SDC1: variants seen among roughly 807,000 people sequenced by gnomAD.
The protein encoded by SDC1 is syndecan-1.
In SDC1, 14 loss-of-function variants were observed where a neutral mutation model predicts 29.7. The observed-to-expected ratio is 0.47, with a 90% confidence interval of 0.31 to 0.74. The LOEUF (loss-of-function observed/expected upper bound fraction) is 0.74, where lower values mean the gene tolerates loss of function less well. SDC1 is among the 30% of genes least tolerant of loss of function. SDC1 has a pLI of 0.05. For missense variants in SDC1, 406 were observed against 400.3 expected, an observed-to-expected ratio of 1.01 and a Z score of -0.12; for synonymous variants, 204 against 175.5, an observed-to-expected ratio of 1.16 and a Z score of -1.29.
intron 2 of SDC1, among the ~76,000 whole-genome samples, chr2:20,205,106 G>A (rs1677214044): frequency 6.6e-6 from 1 of 152,212 alleles, no homozygotes; most frequent in African/African-American, 2.4e-5. Context: ...GGCGGCCCTG[G>A]GGCCTTCTGG....
At position 20,204,091 on chromosome 2, in the gene SDC1, G is replaced by T; in HGVS notation, c.349C>A (p.Arg117=). The T allele has an allele frequency of 6.2e-7, 1 of 1,609,496 alleles. No homozygotes were observed. The highest frequency in any genetic ancestry group is 8.5e-7 in the Non-Finnish European group (1 of 1,179,872). The change falls in exon 3 of 5, where the codon CGG becomes AGG. Residue 117 remains arginine (R), a synonymous_variant. Coordinates refer to ENST00000254351, the MANE Select transcript of SDC1 (RefSeq NM_002997.5). ...LPEVEPGLTA[R]EQEATPRPRE... ...GGTCGGGGGGTGGCCTCCTGCTCCC[G>T]GGCGGTGAGGCCAGGCTCCACTTCT...
At chr2:20,219,156 C>T (rs938292418) in intron 1 of SDC1, among the ~76,000 whole-genome samples, 4 of 152,240 alleles carry the variant, frequency 2.6e-5, no homozygotes, top group African/African-American at 9.6e-5. Flanking sequence ...GGCACACCCC[C>T]CTTGCCCCAT....
intron 1 of SDC1, among the ~76,000 whole-genome samples, chr2:20,220,113 G>A (rs557021169): frequency 2.0e-4 from 31 of 152,328 alleles, no homozygotes; most frequent in African/African-American, 7.2e-4. Context: ...CTTCCTGTGA[G>A]GAGCTCTCGC....
chr2:20,211,455 C>T (rs1426480839), intron 1 of SDC1, among the ~76,000 whole-genome samples: 6 of 152,232 alleles, frequency 3.9e-5, no homozygotes, highest in Admixed American at 6.5e-5. Context: ...CCGACACGTC[C>T]ACTCGCATAG....
chr2:20,204,383 G>T (rs1677180554), intron 2 of SDC1, 92 bp from the exon 3 acceptor site: 5 of 828,714 alleles, frequency 6.0e-6, no homozygotes, highest in Non-Finnish European at 9.8e-6. Context: ...AGGCTCCAGA[G>T]CACCTGGGCT....
At chr2:20,210,066 G>A (rs1416954121) in intron 1 of SDC1, among the ~76,000 whole-genome samples, 1 of 152,240 alleles carries the variant, frequency 6.6e-6, no homozygotes, top group African/African-American at 2.4e-5. Context: ...TTACTACTAG[G>A]CGCGGTGGCT....
intron 1 of SDC1, among the ~76,000 whole-genome samples, chr2:20,208,511 G>A (rs570843763): frequency 6.6e-6 from 1 of 152,358 alleles, no homozygotes; most frequent in African/African-American, 2.4e-5. Context: ...CCCCTCAGAT[G>A]AGAAGGTGAG....
chr2:20,224,717 C>A lies in SDC1; in HGVS notation c.66+85G>T. ...AGAAGGGAAGTCTTCGCTCCCCCTC[C>A]CCCTCCACGTGCACCCGCCGGCATC... is the stretch of plus-strand genomic sequence containing the variant. On this transcript the variant is annotated intron_variant, in intron 1 of 4. Transcript: ENST00000254351. This position sits in a 1 kb window ranked among gnomAD's most constrained non-coding sequence, Gnocchi z 4.9. The A allele has an allele frequency of 8.2e-7, 1 of 1,220,160 alleles. No homozygotes were observed. The allele number at this position is 1,220,160 out of a possible 1,614,324, so 75.6% of individuals were successfully genotyped here.
In SDC1 at chr2:20,224,912, C is replaced by T; in HGVS notation, c.-45G>A. 1 of 1,206,110 alleles carries T rather than the reference C, an allele frequency of 8.3e-7. No homozygotes were observed. The highest frequency in any genetic ancestry group is 1.0e-6 in the Non-Finnish European group (1 of 972,022). The allele number at this position is 1,206,110 out of a possible 1,614,324, so 74.7% of individuals were successfully genotyped here. ...GGAGAGCGGCAGGCTGCGCGGGTCG[C>T]GGCTGCGGGCCGGCTTCGCGGGTTC... On this transcript the variant is annotated 5_prime_UTR_variant, in exon 1 of 5. Transcript: ENST00000254351. This position sits in a 1 kb window ranked among gnomAD's most constrained non-coding sequence, Gnocchi z 4.9.
At chr2:20,217,025 G>A (rs1289870809) in intron 1 of SDC1, among the ~76,000 whole-genome samples, 1 of 152,156 alleles carries the variant, frequency 6.6e-6, no homozygotes, top group African/African-American at 2.4e-5. Flanking sequence ...CCTAGAGCAG[G>A]ACTGGCAGCC....
chr2:20,206,579 C>T (rs1322066962), intron 1 of SDC1, among the ~76,000 whole-genome samples: 2 of 152,186 alleles, frequency 1.3e-5, no homozygotes, highest in Non-Finnish European at 2.9e-5. Flanking sequence ...GACCCAAGGA[C>T]CCCACTCACT....
Position 20,204,095 on chromosome 2 carries a change from G to A in SDC1, c.345C>T (p.Thr115=), listed in dbSNP as rs144302329. ...VVLPEVEPGL[T]AREQEATPRP... ...GGGGGGTGGCCTCCTGCTCCCGGGC[G>A]GTGAGGCCAGGCTCCACTTCTGGCA... is the stretch of plus-strand genomic sequence containing the variant. The change falls in exon 3 of 5, where the codon ACC becomes ACT. Residue 115 remains threonine (T), a synonymous_variant. Transcript: ENST00000254351. 25 of 1,608,548 alleles carry A rather than the reference G, an allele frequency of 1.6e-5. No individual in the cohort carries two copies. The highest frequency in any genetic ancestry group is 8.0e-5 in the African/African-American group (6 of 74,870).
At chr2:20,223,347 G>T in intron 1 of SDC1, 1 of 1,231,626 alleles carries the variant, frequency 8.1e-7, no homozygotes, top group Non-Finnish European at 1.1e-6. Flanking sequence ...GCTTACGGAG[G>T]GTCAGCGCTG....
intron 1 of SDC1, among the ~76,000 whole-genome samples, chr2:20,219,055 C>A (rs1030993796): frequency 6.6e-6 from 1 of 152,192 alleles, no homozygotes. Flanking sequence ...CAGGAGAGGT[C>A]GCTGGGCAAG....
At chr2:20,202,992 A>AC in intron 4 of SDC1, 57 bp from the exon 5 acceptor site, 1 of 1,570,028 alleles carries the variant, frequency 6.4e-7, no homozygotes. Context: ...TCTGCTGCAG[A>AC]CCCTCCCCAA....
intron 1 of SDC1, chr2:20,223,167 C>T: frequency 1.9e-6 from 2 of 1,063,810 alleles, no homozygotes; most frequent in Middle Eastern, 2.4e-4. Context: ...ACAGGGACCT[C>T]TCCTGGACCG....
At chr2:20,208,498 C>G (rs1160056421) in intron 1 of SDC1, among the ~76,000 whole-genome samples, 1 of 152,224 alleles carries the variant, frequency 6.6e-6, no homozygotes, top group African/African-American at 2.4e-5. Context: ...TCTTCTGGGA[C>G]AGCCCCTCAG....
At chr2:20,223,876 T>C (rs375539919) in intron 1 of SDC1, among the ~76,000 whole-genome samples, 2 of 152,124 alleles carry the variant, frequency 1.3e-5, no homozygotes, top group East Asian at 3.9e-4. Flanking sequence ...TGAAGGTGGA[T>C]GCTGCATCCC....
intron 1 of SDC1, among the ~76,000 whole-genome samples, chr2:20,208,988 A>G (rs1320919538): frequency 6.6e-6 from 1 of 152,152 alleles, no homozygotes; most frequent in Non-Finnish European, 1.5e-5. Flanking sequence ...AGAAAGCCCA[A>G]GGTTTGGCTC....
Sources: gnomAD v4.1 joint callset for allele counts (sites outside exome capture counted in the v4.1 genomes callset) on GRCh38, gnomAD v4.1.1 for gene constraint, Gnocchi (gnomAD v3.1) non-coding constraint, MANE v1.5 for transcripts, NCBI Gene and HGNC (gene_info 2026-07-23, HGNC 2026-07-21) for gene names.